SRGAP2C: variants seen among roughly 807,000 people sequenced by gnomAD.
SRGAP2C encodes the protein SLIT-ROBO Rho GTPase-activating protein 2C.
Under a neutral mutation model 25.1 loss-of-function variants are expected in SRGAP2C, and 15 were observed. The observed-to-expected ratio is 0.60, with a 90% confidence interval of 0.40 to 0.92. The LOEUF (loss-of-function observed/expected upper bound fraction) is 0.92, where lower values mean the gene tolerates loss of function less well. SRGAP2C is among the 40% of genes least tolerant of loss of function. The probability of loss-of-function intolerance (pLI) is 0.00; values close to 1 mark genes in which losing one functional copy is unlikely to be tolerated. For missense variants in SRGAP2C, 144 were observed against 264.4 expected, an observed-to-expected ratio of 0.54 and a Z score of 3.16; for synonymous variants, 44 against 96.6, an observed-to-expected ratio of 0.46 and a Z score of 3.19.
At chr1:121,255,461 T>A (rs1281541969) in intron 2 of SRGAP2C, among the ~76,000 whole-genome samples, 1 of 151,816 alleles carries the variant, frequency 6.6e-6, no homozygotes, top group Non-Finnish European at 1.5e-5. Flanking sequence ...TTCATTCCGT[T>A]GATTCTGATG....
In SRGAP2C at chr1:121,309,611, C is replaced by A. The variant is rs1460066955; in HGVS notation, c.261-14867C>A. Reference sequence around the variant, plus strand: ...ACCACAGTCCCCAGAGTGTGATATTCCCCTTCCTGTGTCCATGTGATCTCA... The same window carrying A: ...ACCACAGTCCCCAGAGTGTGATATTACCCTTCCTGTGTCCATGTGATCTCA... On this transcript the variant is annotated intron_variant, in intron 3 of 9. Transcript: ENST00000367123. Among the ~76,000 whole-genome samples, 19 of 150,494 alleles carry A rather than the reference C, an allele frequency of 1.3e-4. No individual in the cohort carries two copies. The South Asian group carries it at 3.8e-3, about 30-fold the overall frequency.
rs1657324114 is a variant in SRGAP2C, at chr1:121,284,876, G to C, written c.141G>C (p.Gln47His). Residue 47 changes from glutamine (Q) to histidine (H), a missense_variant, in exon 3 of 10, where the codon CAG becomes CAC. By Grantham distance (24) the Gln-to-His change is conservative. This residue lies in a region of SRGAP2C where 17 missense variants were observed against 40.3 expected (regional missense o/e 0.42). Coordinates refer to ENST00000367123, the MANE Select transcript of SRGAP2C (RefSeq NM_001329984.2). ...GTGAGCTTCGGGTGCAACTGTTGCAGGACCTCCAGGACTTCTTCCGAAAGA... is the reference window on the plus strand; with the variant it reads ...GTGAGCTTCGGGTGCAACTGTTGCACGACCTCCAGGACTTCTTCCGAAAGA... ...QQCELRVQLL[Q>H]DLQDFFRKKA... 8.3e-7 allele frequency: 1 copy of C among 1,201,930 alleles called. No individual in the cohort carries two copies. The highest frequency in any genetic ancestry group is 1.2e-6 in the Non-Finnish European group (1 of 842,278). 74.5% of individuals were successfully genotyped at this position (1,201,930 alleles called of 1,614,324 possible). A position where few individuals can be genotyped will look rare whatever the true frequency, so the allele number is the denominator to read the frequency against.
rs1654457897 is a variant in SRGAP2C at position 121,185,013 on chromosome 1, C to T, written c.-654C>T. 5.8e-6 allele frequency: 3 copies of T among 516,976 alleles called. No individual in the cohort carries two copies. Among genetic ancestry groups the T allele is most frequent in the East Asian group, 6.2e-5 (2 of 32,400 alleles). The allele number at this position is 516,976 out of a possible 1,614,324, so 32.0% of individuals were successfully genotyped here. A position where few individuals can be genotyped will look rare whatever the true frequency, so the allele number is the denominator to read the frequency against. On this transcript the variant is annotated 5_prime_UTR_variant, in exon 1 of 10. Transcript: ENST00000367123. ...GTTGGCGGAGGCGGCGGAGGCTCCTCCAGGGACTGGGGCACCGATCTGCGT... is the reference window on the plus strand; with the variant it reads ...GTTGGCGGAGGCGGCGGAGGCTCCTTCAGGGACTGGGGCACCGATCTGCGT...
At chr1:121,210,306 C>A (rs1181552467) in intron 2 of SRGAP2C, among the ~76,000 whole-genome samples, 4 of 118,874 alleles carry the variant, frequency 3.4e-5, no homozygotes, top group Non-Finnish European at 7.0e-5. Context: ...AGGGTAATTC[C>A]ATCAGCGCTT....
chr1:121,379,098 G>A (rs1441571042), intron 7 of SRGAP2C, among the ~76,000 whole-genome samples: 1 of 152,194 alleles, frequency 6.6e-6, no homozygotes, highest in African/African-American at 2.4e-5. Flanking sequence ...TAAGTGCCGT[G>A]TACATGTATG....
chr1:121,362,359 G>A (rs587706500), intron 4 of SRGAP2C, among the ~76,000 whole-genome samples: 1 of 150,448 alleles, frequency 6.6e-6, no homozygotes, highest in Non-Finnish European at 1.5e-5. Context: ...TCAGCCAGAG[G>A]GAGCAGTAAG....
intron 3 of SRGAP2C, among the ~76,000 whole-genome samples, chr1:121,293,422 G>A (rs1256273964): frequency 2.2e-5 from 3 of 136,218 alleles, no homozygotes; most frequent in African/African-American, 8.6e-5. Flanking sequence ...GGTAACTATG[G>A]CAACGATGCA....
intron 3 of SRGAP2C, among the ~76,000 whole-genome samples, chr1:121,291,180 A>G (rs1657484469): frequency 7.9e-6 from 1 of 126,976 alleles, no homozygotes; most frequent in East Asian, 2.1e-4. Flanking sequence ...AAGAAACTAA[A>G]TAGGACTGGA....
In SRGAP2C at chr1:121,204,670, C is replaced by T. The variant is rs587718703; in HGVS notation, c.67+17157C>T. On this transcript the variant is annotated intron_variant, in intron 2 of 9. Transcript: ENST00000367123. ...TTATATTCTGTTTACTCATTGTTGA[C>T]GATTATAGGTTGCAATACCTGCTCC... is the stretch of plus-strand genomic sequence containing the variant. 9.3e-3 allele frequency among the ~76,000 whole-genome samples: 1,421 copies of T among 152,248 alleles called. 25 individuals are homozygous for T. The highest frequency in any genetic ancestry group is 0.032 in the African/African-American group (1,344 of 41,530).
rs587745407 is a variant in SRGAP2C at position 121,372,795 on chromosome 1, G to A, written c.487-1176G>A. ...GTAAGAATTAAATGAGGTAATGTACGTAAAGCCCATGGTACACAATGTTTA... is the reference window on the plus strand; with the variant it reads ...GTAAGAATTAAATGAGGTAATGTACATAAAGCCCATGGTACACAATGTTTA... On this transcript the variant is annotated intron_variant, in intron 5 of 9. Coordinates refer to ENST00000367123, the MANE Select transcript of SRGAP2C (RefSeq NM_001329984.2). 1.6e-4 allele frequency among the ~76,000 whole-genome samples: 12 copies of A among 74,874 alleles called. 3 individuals are homozygous for A. In the South Asian group the frequency reaches 1.8e-3, roughly 11 times the overall value. 49.1% of individuals were successfully genotyped at this position (74,874 alleles called of 152,430 possible).
intron 3 of SRGAP2C, among the ~76,000 whole-genome samples, chr1:121,315,350 A>G (rs1342707003): frequency 1.4e-5 from 2 of 147,350 alleles, no homozygotes; most frequent in African/African-American, 5.0e-5. Context: ...TTTGAGACCC[A>G]GAATGCATTT....
intron 2 of SRGAP2C, among the ~76,000 whole-genome samples, chr1:121,272,392 C>G (rs1264499838): frequency 6.6e-6 from 1 of 151,606 alleles, no homozygotes; most frequent in Non-Finnish European, 1.5e-5. Context: ...CCCAGGCAGT[C>G]CAGTTCCAGG....
chr1:121,216,228 A>G (rs1263223432), intron 2 of SRGAP2C, among the ~76,000 whole-genome samples: 2 of 152,000 alleles, frequency 1.3e-5, no homozygotes, highest in African/African-American at 2.4e-5. Context: ...TTGTACAAAG[A>G]TGGGGGCAGA....
At chr1:121,249,572 ATATATATATTTTTTT>A (rs1263664873) in intron 2 of SRGAP2C, among the ~76,000 whole-genome samples, 435 of 27,422 alleles carry the variant, frequency 0.016, 15 homozygotes, top group African/African-American at 0.065. Context: ...ATATATATAT[ATATATATATTTTTTT>A]TTTTTTTTTT....
At chr1:121,332,096 T>G (rs1296298942) in intron 4 of SRGAP2C, among the ~76,000 whole-genome samples, 1 of 107,696 alleles carries the variant, frequency 9.3e-6, no homozygotes, top group Non-Finnish European at 1.9e-5. Context: ...GTACATTTTA[T>G]TATGTAAATT....
chr1:121,288,250 G>T (rs1657418028), intron 3 of SRGAP2C, among the ~76,000 whole-genome samples: 2 of 129,540 alleles, frequency 1.5e-5, no homozygotes, highest in Non-Finnish European at 3.2e-5. Flanking sequence ...GTTCTCTAAG[G>T]CCCCACCAGA....
Position 121,222,641 on chromosome 1 carries a change from A to G in SRGAP2C, c.67+35128A>G, listed in dbSNP as rs144452530. On this transcript the variant is annotated intron_variant, in intron 2 of 9. Transcript: ENST00000367123. Reference sequence around the variant, plus strand: ...GACCCTGTCTCAAAAACAAGCTAACAAAAAAACCCCTAAAAAACAAAAGAA... The same window carrying G: ...GACCCTGTCTCAAAAACAAGCTAACGAAAAAACCCCTAAAAAACAAAAGAA... 3.5e-3 allele frequency among the ~76,000 whole-genome samples: 532 copies of G among 152,262 alleles called. 4 individuals are homozygous for G. Among genetic ancestry groups the G allele is most frequent in the Non-Finnish European group, 3.9e-3 (267 of 68,016 alleles).
At chr1:121,231,663 A>G (rs1352474688) in intron 2 of SRGAP2C, among the ~76,000 whole-genome samples, 44 of 151,470 alleles carry the variant, frequency 2.9e-4, no homozygotes, top group Admixed American at 2.6e-3. Context: ...TGTTTGGTCC[A>G]CTTTTCTCAT....
chr1:121,208,226 A>G (rs1335576232), intron 2 of SRGAP2C, among the ~76,000 whole-genome samples: 9 of 152,202 alleles, frequency 5.9e-5, no homozygotes, highest in Admixed American at 4.6e-4. Flanking sequence ...CTTGACCTAT[A>G]TAACACTGGC....
Sources: allele counts gnomAD v4.1 joint callset (sites outside exome capture counted in the v4.1 genomes callset), GRCh38; gene constraint gnomAD v4.1.1; regional missense constraint gnomAD v4.1.1; transcripts MANE v1.5; gene names NCBI Gene and HGNC (gene_info 2026-07-23, HGNC 2026-07-21).